The following FUT9 variants were observed in gnomAD, a reference collection of about 807,000 sequenced individuals.
The protein encoded by FUT9 is fucosyltransferase 9.
Under a neutral mutation model 29.7 loss-of-function variants are expected in FUT9, and 15 were observed. The observed-to-expected ratio is 0.51, with a 90% CI of 0.34 to 0.78. The LOEUF (loss-of-function observed/expected upper bound fraction) is 0.78. Ranked by LOEUF, FUT9 falls within the 30% of genes least tolerant of loss-of-function variation. FUT9 has a pLI of 0.01. For synonymous variants in FUT9, 169 were observed against 153.7 expected (o/e 1.10, Z -0.74); for missense variants, 319 against 425.4 (o/e 0.75, Z 2.20).
At chr6:96,121,458 T>C (rs962756160) in intron 2 of FUT9, among the ~76,000 whole-genome samples, 2 of 152,118 alleles carry the variant, frequency 1.3e-5, no homozygotes, top group African/African-American at 4.8e-5. Context: ...CTAGCCCCCC[T>C]AGGAAAAACA....
At chr6:96,118,597 G>A (rs1158255445) in intron 2 of FUT9, among the ~76,000 whole-genome samples, 2 of 152,192 alleles carry the variant, frequency 1.3e-5, no homozygotes, top group East Asian at 3.9e-4. Context: ...TTATGTTATA[G>A]TTTATGTATT....
intron 2 of FUT9, among the ~76,000 whole-genome samples, chr6:96,134,865 T>C (rs1315132398): frequency 6.6e-6 from 1 of 151,932 alleles, no homozygotes; most frequent in Non-Finnish European, 1.5e-5. Flanking sequence ...TCTTACTTAG[T>C]TTCCAGATAA....
At chr6:96,038,615 T>C (rs1352891944) in intron 1 of FUT9, among the ~76,000 whole-genome samples, 2 of 152,278 alleles carry the variant, frequency 1.3e-5, no homozygotes, top group Non-Finnish European at 2.9e-5. Flanking sequence ...TCCAATATGT[T>C]TCCCACCAGC....
rs540411294 is a variant in FUT9, at chr6:96,202,393, C to G, written c.-8-755C>G. Reference sequence around the variant, plus strand: ...AGCCCTTAGGCTATGTAAGTGAGAACGTTTTTCCAATGCAAATAGAACATT... The same window carrying G: ...AGCCCTTAGGCTATGTAAGTGAGAAGGTTTTTCCAATGCAAATAGAACATT... On this transcript the variant is annotated intron_variant, in intron 2 of 2. Transcript: ENST00000302103. 3.9e-5 allele frequency among the ~76,000 whole-genome samples: 6 copies of G among 151,962 alleles called. No individual in the cohort carries two copies. The East Asian group carries it at 5.8e-4, about 15-fold the overall frequency.
chr6:96,172,203 A>G (rs1314914387), intron 2 of FUT9, among the ~76,000 whole-genome samples: 1 of 152,100 alleles, frequency 6.6e-6, no homozygotes, highest in Non-Finnish European at 1.5e-5. Context: ...CTCAGGACCT[A>G]ATGAATTCCC....
intron 2 of FUT9, among the ~76,000 whole-genome samples, chr6:96,137,163 A>G (rs1380246188): frequency 1.3e-5 from 2 of 152,012 alleles, no homozygotes; most frequent in African/African-American, 4.8e-5. Context: ...GAGACACAAC[A>G]GTGAAGTGTT....
At chr6:96,046,221 GCACACA>G (rs139036869) in intron 1 of FUT9, among the ~76,000 whole-genome samples, 8 of 148,084 alleles carry the variant, frequency 5.4e-5, no homozygotes, top group African/African-American at 7.5e-5. Flanking sequence ...ACACAGATAT[GCACACA>G]CACACACACA....
chr6:96,133,926 T>C (rs4294012), intron 2 of FUT9, among the ~76,000 whole-genome samples: 52,260 of 151,658 alleles, frequency 0.34, 10,477 homozygotes, highest in Middle Eastern at 0.5. Flanking sequence ...TGTTTTACTA[T>C]AGGATGTTAA....
At chr6:96,130,713 T>C (rs1772226900) in intron 2 of FUT9, among the ~76,000 whole-genome samples, 1 of 152,206 alleles carries the variant, frequency 6.6e-6, no homozygotes, top group Admixed American at 6.5e-5. Context: ...TTTGACACAA[T>C]TTTAATTGAA....
At chr6:96,077,975 TACA>T (rs1362951372) in intron 1 of FUT9, among the ~76,000 whole-genome samples, 1 of 152,226 alleles carries the variant, frequency 6.6e-6, no homozygotes, top group African/African-American at 2.4e-5. Flanking sequence ...AGAGTTTCTT[TACA>T]ACGTTACTTT....
intron 1 of FUT9, among the ~76,000 whole-genome samples, chr6:96,105,609 T>A (rs1399256116): frequency 6.6e-6 from 1 of 152,250 alleles, no homozygotes; most frequent in Non-Finnish European, 1.5e-5. Context: ...AAAAGCTGTG[T>A]CTTAAGTTTT....
intron 2 of FUT9, among the ~76,000 whole-genome samples, chr6:96,185,587 T>C (rs1341019012): frequency 6.6e-6 from 1 of 152,046 alleles, no homozygotes; most frequent in Non-Finnish European, 1.5e-5. Flanking sequence ...TAGAAATGGA[T>C]GATGTAGCAA....
At chr6:96,068,199 C>G (rs956026857) in intron 1 of FUT9, among the ~76,000 whole-genome samples, 1 of 151,950 alleles carries the variant, frequency 6.6e-6, no homozygotes, top group Non-Finnish European at 1.5e-5. Flanking sequence ...GGAAATCAAC[C>G]ATGTACAGGT....
chr6:96,180,624 C>A (rs911539324), intron 2 of FUT9, among the ~76,000 whole-genome samples: 1 of 152,044 alleles, frequency 6.6e-6, no homozygotes, highest in South Asian at 2.1e-4. Flanking sequence ...CCCCCTGCCA[C>A]CAACACTCTC....
chr6:96,129,341 A>T (rs1371924117), intron 2 of FUT9, among the ~76,000 whole-genome samples: 3 of 150,752 alleles, frequency 2.0e-5, no homozygotes, highest in Admixed American at 6.6e-5. Context: ...GCTATCCGGG[A>T]GGCAGAGGTG....
At chr6:96,155,368 T>C (rs1772760963) in intron 2 of FUT9, among the ~76,000 whole-genome samples, 1 of 152,126 alleles carries the variant, frequency 6.6e-6, no homozygotes, top group African/African-American at 2.4e-5. Context: ...TTTTTGGAGA[T>C]AAGGTCTTTA....
chr6:96,021,700 T>C (rs978439268), intron 1 of FUT9, among the ~76,000 whole-genome samples: 2 of 152,106 alleles, frequency 1.3e-5, no homozygotes, highest in Non-Finnish European at 2.9e-5. Context: ...TGATAAAATA[T>C]AGACTCATTA....
At chr6:96,180,416 G>C (rs990838926) in intron 2 of FUT9, among the ~76,000 whole-genome samples, 1 of 152,092 alleles carries the variant, frequency 6.6e-6, no homozygotes, top group African/African-American at 2.4e-5. Flanking sequence ...TTGTCAGACA[G>C]AATAATGTGC....
intron 2 of FUT9, among the ~76,000 whole-genome samples, chr6:96,123,403 T>C (rs758542563): frequency 6.6e-6 from 1 of 152,176 alleles, no homozygotes; most frequent in Non-Finnish European, 1.5e-5. Context: ...GCTAATATTA[T>C]AGAGGGCTTT....
Sources: allele counts gnomAD v4.1 joint callset (sites outside exome capture counted in the v4.1 genomes callset), GRCh38; gene constraint gnomAD v4.1.1; transcripts MANE v1.5; gene names NCBI Gene and HGNC (gene_info 2026-07-23, HGNC 2026-07-21).